NRDC: variants seen among roughly 807,000 people sequenced by gnomAD.
The protein encoded by NRDC is nardilysin.
NRDC carries 54 observed loss-of-function variants against 147.1 expected under a neutral mutation model. The ratio of observed to expected loss-of-function variants is 0.37; its 90% CI spans 0.29 to 0.46. NRDC has a LOEUF of 0.46. NRDC is among the 20% of genes least tolerant of loss of function. The pLI, the probability that NRDC is intolerant of heterozygous loss-of-function variation, is 1.00. For synonymous variants in NRDC, 440 were observed against 482.1 expected (o/e 0.91, Z 1.14); for missense variants, 1,082 against 1,370.6 (o/e 0.79, Z 3.33).
intron 13 of NRDC, 96 bp from the exon 14 acceptor site, chr1:51,814,185 T>C (rs1571860639): frequency 2.7e-6 from 2 of 751,738 alleles, no homozygotes; most frequent in East Asian, 2.6e-5. Context: ...AAAAGGTAAC[T>C]ATTGGGTAGT....
chr1:51,812,928 C>T (rs1679793522), intron 14 of NRDC, among the ~76,000 whole-genome samples: 1 of 140,422 alleles, frequency 7.1e-6, no homozygotes, highest in South Asian at 2.3e-4. Context: ...TGCCACCGCA[C>T]TCCTGCCCAG....
intron 29 of NRDC, among the ~76,000 whole-genome samples, chr1:51,790,236 TA>T (rs761169727): frequency 1.2e-4 from 18 of 152,348 alleles, no homozygotes; most frequent in Non-Finnish European, 2.4e-4. Context: ...CAATTTTCTT[TA>T]AACGGCAAAA....
At chr1:51,846,985 A>T (rs1681659741) in intron 1 of NRDC, among the ~76,000 whole-genome samples, 1 of 152,152 alleles carries the variant, frequency 6.6e-6, no homozygotes, top group Admixed American at 6.6e-5. Context: ...AGCTAGACAC[A>T]GAGTGCTGAT....
Position 51,803,799 on chromosome 1 carries a change from AGTACTT to A in NRDC, c.2313+9_2313+14del, listed in dbSNP as rs780983866. ...TTAATGCTCTCTATAAGGAAAACAG[AGTACTT>A]GTACTTACAGGTAGTTTGTGGTTAA... On this transcript the variant is annotated intron_variant, in intron 20 of 30. Coordinates refer to ENST00000352171, the MANE Select transcript of NRDC (RefSeq NM_001101662.2). The A allele has an allele frequency of 5.0e-6, 8 of 1,603,598 alleles. No individual in the cohort carries two copies. The Admixed American group carries it at 1.0e-4, about 21-fold the overall frequency.
rs1345223768 is a variant in NRDC at position 51,845,025 on chromosome 1, G to A, written c.342-4511C>T. ...ATTTCCCTTTTCAAAATTCATCATT[G>A]GCTTCCCATCATACTTAAAATCCAA... On this transcript the variant is annotated intron_variant, in intron 1 of 30. Transcript: ENST00000352171. Among the ~76,000 whole-genome samples the A allele has an allele frequency of 3.9e-5, 6 of 152,114 alleles. No individual in the cohort carries two copies. In the East Asian group the frequency reaches 5.8e-4, roughly 15 times the overall value.
At chr1:51,800,892 G>A in intron 20 of NRDC, 1 of 539,712 alleles carries the variant, frequency 1.9e-6, no homozygotes, top group East Asian at 3.2e-5. Flanking sequence ...CCAGGCTGGA[G>A]TGCAGTGGTA....
rs1409508716 is a variant in NRDC, at chr1:51,798,171, C to T, written c.2604+78G>A. 8.4e-6 allele frequency: 12 copies of T among 1,431,820 alleles called. No individual in the cohort carries two copies. The African/African-American group carries it at 1.4e-4, about 17-fold the overall frequency. 88.7% of individuals were successfully genotyped at this position (1,431,820 alleles called of 1,614,324 possible). ...GCTGGCCTGCCAAAACTACAGCTTCCCCTTTAGGAAAGAACTATGGCAATT... is the reference window on the plus strand; with the variant it reads ...GCTGGCCTGCCAAAACTACAGCTTCTCCTTTAGGAAAGAACTATGGCAATT... On this transcript the variant is annotated intron_variant, in intron 22 of 30. Coordinates refer to ENST00000352171, the MANE Select transcript of NRDC (RefSeq NM_001101662.2).
rs549681541 is a variant in NRDC, at chr1:51,872,879, C to T, written c.341+5396G>A. Reference sequence around the variant, plus strand: ...TAATACCTAGGTTACCTTTACTTTACAAGACAAGTGAGAGTGCAAAACAAA... The same window carrying T: ...TAATACCTAGGTTACCTTTACTTTATAAGACAAGTGAGAGTGCAAAACAAA... On this transcript the variant is annotated intron_variant, in intron 1 of 30. Transcript: ENST00000352171. Among the ~76,000 whole-genome samples, 9 of 151,890 alleles carry T rather than the reference C, an allele frequency of 5.9e-5. No homozygotes were observed. In the East Asian group the frequency reaches 1.7e-3, roughly 29 times the overall value.
intron 1 of NRDC, among the ~76,000 whole-genome samples, chr1:51,847,211 A>T (rs933764007): frequency 2.0e-5 from 3 of 152,102 alleles, no homozygotes; most frequent in African/African-American, 7.2e-5. Context: ...GTGTTCATTA[A>T]CCTCGAGCTA....
Position 51,878,318 on chromosome 1 carries a change from C to T in NRDC, c.298G>A (p.Asp100Asn), listed in dbSNP as rs1259157339. Residue 100 changes from aspartate to asparagine, a missense_variant, in exon 1 of 31, where the codon GAC becomes AAC. Physicochemically the swap from Asp to Asn is conservative, Grantham distance 23. This residue lies in a region of NRDC where 260 missense variants were observed against 253.2 expected (regional missense o/e 1.03). Transcript: ENST00000352171. ...CTGGGAGACTTGACGATCTCAGGGT[C>T]CCCAGCATTACTGAGAGACCCCCTC... ...GRRGSLSNAG[D>N]PEIVKSPSDP... 6.2e-7 allele frequency: 1 copy of T among 1,614,076 alleles called. No homozygotes were observed. The highest frequency in any genetic ancestry group is 2.2e-5 in the East Asian group (1 of 44,882).
At chr1:51,846,074 A>G (rs1275288465) in intron 1 of NRDC, among the ~76,000 whole-genome samples, 3 of 152,274 alleles carry the variant, frequency 2.0e-5, no homozygotes, top group Non-Finnish European at 4.4e-5. Context: ...TATCTGGGGA[A>G]AGGAGAAAAA....
chr1:51,855,510 G>C (rs1484834857), intron 1 of NRDC, among the ~76,000 whole-genome samples: 1 of 151,566 alleles, frequency 6.6e-6, no homozygotes, highest in Non-Finnish European at 1.5e-5. Context: ...AATGAAAAGA[G>C]TTCACTGTAT....
At chr1:51,840,200 T>C in intron 2 of NRDC, 26 bp downstream of exon 2, 1 of 1,550,832 alleles carries the variant, frequency 6.4e-7, no homozygotes, top group East Asian at 2.3e-5. Context: ...ATTCCCAAAT[T>C]AGAAGAAAAC....
At chr1:51,816,209 G>C (rs910870043) in intron 11 of NRDC, 103 bp downstream of exon 11, 19 of 532,240 alleles carry the variant, frequency 3.6e-5, no homozygotes, top group Non-Finnish European at 5.3e-5. Context: ...TTTTATTCTA[G>C]GCTTCCTGGC....
intron 1 of NRDC, among the ~76,000 whole-genome samples, chr1:51,864,802 A>ACCCTGTCTC (rs1682724906): frequency 6.6e-6 from 1 of 151,966 alleles, no homozygotes. Flanking sequence ...AAATACAAAA[A>ACCCTGTCTC]TTAGCCAGGC....
rs1438608848 is a variant in NRDC at position 51,789,359 on chromosome 1, T to C, written c.3333A>G (p.Glu1111=). ...TTGGCAGGTAGGTCAGCTGCATCAC[T>C]TCACAAGAAGAATTTGAATCCTCAC... ...PSSEDSNSSC[E]VMQLTYLPTS... The change falls in exon 31 of 31, where the codon GAA becomes GAG. Residue 1111 remains glutamate (E), a synonymous_variant. Coordinates refer to ENST00000352171, the MANE Select transcript of NRDC (RefSeq NM_001101662.2). 1.1e-5 allele frequency: 17 copies of C among 1,614,164 alleles called. No individual in the cohort carries two copies. The highest frequency in any genetic ancestry group is 1.4e-5 in the Non-Finnish European group (16 of 1,180,006).
At chr1:51,806,484 C>A (rs2149197226) in intron 18 of NRDC, among the ~76,000 whole-genome samples, 1 of 152,184 alleles carries the variant, frequency 6.6e-6, no homozygotes. Context: ...TCTGTGACAG[C>A]ATAGGAGGAC....
intron 14 of NRDC, 26 bp from the exon 15 acceptor site, chr1:51,812,124 C>T (rs1679750636): frequency 2.1e-6 from 3 of 1,441,872 alleles, no homozygotes; most frequent in East Asian, 4.5e-5. Flanking sequence ...TTATTTCACA[C>T]CAGAACTTCT....
intron 1 of NRDC, among the ~76,000 whole-genome samples, chr1:51,846,736 T>C (rs1681638143): frequency 2.0e-5 from 3 of 152,248 alleles, no homozygotes; most frequent in Admixed American, 6.5e-5. Flanking sequence ...TCGACCCAAG[T>C]GGGTTATCAC....
Sources: gnomAD v4.1 joint callset for allele counts (sites outside exome capture counted in the v4.1 genomes callset) on GRCh38, gnomAD v4.1.1 for gene constraint, gnomAD v4.1.1 regional missense constraint, MANE v1.5 for transcripts, NCBI Gene and HGNC (gene_info 2026-07-23, HGNC 2026-07-21) for gene names.